The following STAG1 variants were observed in gnomAD, a reference collection of about 807,000 sequenced individuals.
STAG1 encodes the protein cohesin subunit SA-1.
In STAG1, 26 loss-of-function variants were observed where a neutral mutation model predicts 170.9. That is an observed-to-expected ratio of 0.15 (90% confidence interval 0.11 to 0.21). STAG1 has a LOEUF of 0.21. Ranked by LOEUF, STAG1 falls within the 10% of genes least tolerant of loss-of-function variation. The pLI is 1.00. For synonymous variants in STAG1, 514 were observed against 497.7 expected (o/e 1.03, Z -0.44); for missense variants, 964 against 1,509.5 (o/e 0.64, Z 5.99).
At chr3:136,618,742 C>CA (rs776657335) in intron 3 of STAG1, among the ~76,000 whole-genome samples, 4 of 151,736 alleles carry the variant, frequency 2.6e-5, no homozygotes, top group Non-Finnish European at 4.4e-5. Flanking sequence ...TGACAACTGG[C>CA]AAAATCTAAA....
At chr3:136,380,486 A>G (rs929812743) in intron 22 of STAG1, among the ~76,000 whole-genome samples, 1 of 151,954 alleles carries the variant, frequency 6.6e-6, no homozygotes, top group Non-Finnish European at 1.5e-5. Flanking sequence ...GTGATCCGCC[A>G]GTCTCAGCCT....
chr3:136,641,298 A>T lies in STAG1; in HGVS notation c.-83-10317T>A, dbSNP rs533504010. Among the ~76,000 whole-genome samples, 7 of 152,326 alleles carry T rather than the reference A, an allele frequency of 4.6e-5. No individual in the cohort carries two copies. In the East Asian group the frequency reaches 1.4e-3, roughly 29 times the overall value. ...GGGCAAAAGTACAGTAACTCCAGGA[A>T]ATCCTTTTTTTTAAAACGTATTAAA... On this transcript the variant is annotated intron_variant, in intron 1 of 33. Transcript: ENST00000383202.
intron 23 of STAG1, among the ~76,000 whole-genome samples, chr3:136,371,322 G>T (rs1429870628): frequency 6.6e-6 from 1 of 151,976 alleles, no homozygotes; most frequent in Non-Finnish European, 1.5e-5. Flanking sequence ...TCACTCTGAT[G>T]GTAGTTTCTT....
intron 11 of STAG1, 77 bp from the exon 12 acceptor site, chr3:136,472,569 G>T (rs570104853): frequency 5.0e-6 from 5 of 1,009,576 alleles, no homozygotes; most frequent in Non-Finnish European, 7.6e-6. Context: ...AATGTATTCT[G>T]GGATATATAT....
intron 4 of STAG1, among the ~76,000 whole-genome samples, chr3:136,602,837 C>T (rs955929911): frequency 6.6e-6 from 1 of 152,114 alleles, no homozygotes; most frequent in Non-Finnish European, 1.5e-5. Context: ...AAGACTCTGT[C>T]TCAGAAACAA....
chr3:136,428,797 G>T (rs559821192), intron 16 of STAG1, among the ~76,000 whole-genome samples: 44 of 152,196 alleles, frequency 2.9e-4, no homozygotes, highest in African/African-American at 1.1e-3. Flanking sequence ...TAAAATGTGG[G>T]GAATGAAAGA....
In STAG1 at chr3:136,743,055, C is replaced by T. The variant is rs1264411976; in HGVS notation, c.-84+9140G>A. On this transcript the variant is annotated intron_variant, in intron 1 of 33. Coordinates refer to ENST00000383202, the MANE Select transcript of STAG1 (RefSeq NM_005862.3). ...ATTTGAAAAAATAACCGATAAATCA[C>T]TAGACTGGTCAAGATAAAAAGAACA... Among the ~76,000 whole-genome samples the T allele has an allele frequency of 2.6e-5, 4 of 152,190 alleles. No individual in the cohort carries two copies. The East Asian group carries it at 7.7e-4, about 29-fold the overall frequency.
chr3:136,704,986 C>CAATAAACTTCAATATAT (rs894119351), intron 1 of STAG1, among the ~76,000 whole-genome samples: 1 of 152,066 alleles, frequency 6.6e-6, no homozygotes, highest in East Asian at 1.9e-4. Context: ...TAATACCTAA[C>CAATAAACTTCAATATAT]AATAAACTTC....
chr3:136,604,930 A>T (rs2107809087), intron 3 of STAG1, among the ~76,000 whole-genome samples: 1 of 152,308 alleles, frequency 6.6e-6, no homozygotes, highest in African/African-American at 2.4e-5. Flanking sequence ...AATTAACAGC[A>T]TGAGCCACCA....
In STAG1 at chr3:136,535,613, A is replaced by C. The variant is rs548259870; in HGVS notation, c.471+6506T>G. 5.3e-5 allele frequency among the ~76,000 whole-genome samples: 8 copies of C among 152,354 alleles called. No individual in the cohort carries two copies. The East Asian group carries it at 1.5e-3, about 29-fold the overall frequency. On this transcript the variant is annotated intron_variant, in intron 6 of 33. Transcript: ENST00000383202. Reference sequence around the variant, plus strand: ...GGGAGGTGGAGGTTGCAGTGAGCTGAGATCGTGCCACTGCACTCCAGCCTA... The same window carrying C: ...GGGAGGTGGAGGTTGCAGTGAGCTGCGATCGTGCCACTGCACTCCAGCCTA...
At chr3:136,747,173 TG>T (rs2107957973) in intron 1 of STAG1, among the ~76,000 whole-genome samples, 1 of 141,340 alleles carries the variant, frequency 7.1e-6, no homozygotes, top group South Asian at 2.2e-4. Flanking sequence ...CTCAGGAGGC[TG>T]GGGCAGGAGA....
intron 30 of STAG1, 90 bp downstream of exon 30, chr3:136,343,742 A>T (rs553027300): frequency 2.7e-5 from 29 of 1,066,188 alleles, no homozygotes; most frequent in African/African-American, 4.9e-5. Flanking sequence ...CTGACCAGCA[A>T]TATGTTCTGA....
chr3:136,554,104 A>G (rs2107742320), intron 5 of STAG1, among the ~76,000 whole-genome samples: 1 of 152,316 alleles, frequency 6.6e-6, no homozygotes, highest in Middle Eastern at 3.4e-3. Context: ...CAAATGAAAC[A>G]GACTTTTAGA....
intron 1 of STAG1, among the ~76,000 whole-genome samples, chr3:136,634,736 T>C (rs1940482400): frequency 1.3e-5 from 2 of 151,680 alleles, no homozygotes; most frequent in South Asian, 4.2e-4. Context: ...ATAAACTATA[T>C]TGAGATTAGA....
intron 4 of STAG1, among the ~76,000 whole-genome samples, chr3:136,582,798 C>CA (rs1324859612): frequency 2.6e-5 from 4 of 151,422 alleles, no homozygotes; most frequent in African/African-American, 7.3e-5. Flanking sequence ...GACTCCATGT[C>CA]AAAAAAATAA....
At chr3:136,453,188 A>C (rs898966604) in intron 13 of STAG1, among the ~76,000 whole-genome samples, 2 of 152,240 alleles carry the variant, frequency 1.3e-5, no homozygotes, top group African/African-American at 4.8e-5. Context: ...GTAAAATGAC[A>C]TTAATGGTAA....
chr3:136,395,551 G>A (rs879436597), intron 22 of STAG1, among the ~76,000 whole-genome samples: 4 of 152,116 alleles, frequency 2.6e-5, no homozygotes, highest in African/African-American at 4.8e-5. Flanking sequence ...AACCCGGGAG[G>A]TAGAGGTTGC....
intron 13 of STAG1, among the ~76,000 whole-genome samples, chr3:136,454,389 T>C (rs2107780820): frequency 7.1e-6 from 1 of 139,970 alleles, no homozygotes. Context: ...TTATTTTATG[T>C]TTTTTTTGAG....
chr3:136,489,251 T>C (rs2090075857), intron 9 of STAG1, among the ~76,000 whole-genome samples: 1 of 152,220 alleles, frequency 6.6e-6, no homozygotes, highest in South Asian at 2.1e-4. Flanking sequence ...ATGCATCCTT[T>C]TGGGGAGAAC....
Sources: gnomAD v4.1 joint callset for allele counts (sites outside exome capture counted in the v4.1 genomes callset) on GRCh38, gnomAD v4.1.1 for gene constraint, MANE v1.5 for transcripts, NCBI Gene and HGNC (gene_info 2026-07-23, HGNC 2026-07-21) for gene names.